The following MAMDC2 variants were observed in gnomAD, a reference collection of about 807,000 sequenced individuals.
MAMDC2 encodes MAM domain-containing protein 2.
In MAMDC2, 57 loss-of-function variants were observed where a neutral mutation model predicts 89.8. That is an observed-to-expected ratio of 0.63 (90% CI 0.51 to 0.79). The LOEUF is 0.79. Ranked by LOEUF, MAMDC2 falls within the 30% of genes least tolerant of loss-of-function variation. MAMDC2 has a pLI of 0.00. For missense variants in MAMDC2, 800 were observed against 820.6 expected (o/e 0.97, Z 0.31); for synonymous variants, 313 against 293.4 (o/e 1.07, Z -0.68).
chr9:70,102,818 T>A (rs1341498871), intron 2 of MAMDC2, among the ~76,000 whole-genome samples: 1 of 152,234 alleles, frequency 6.6e-6, no homozygotes, highest in Non-Finnish European at 1.5e-5. Flanking sequence ...ATATTTGAAG[T>A]GGATCCTTCC....
chr9:70,156,380 T>C (rs2031765650), intron 9 of MAMDC2, among the ~76,000 whole-genome samples: 1 of 152,178 alleles, frequency 6.6e-6, no homozygotes, highest in African/African-American at 2.4e-5. Flanking sequence ...GATTTATAAA[T>C]AGTTGGCTAT....
intron 4 of MAMDC2, among the ~76,000 whole-genome samples, chr9:70,112,183 C>T (rs1803001702): frequency 6.6e-6 from 1 of 152,158 alleles, no homozygotes; most frequent in South Asian, 2.1e-4. Flanking sequence ...AATTATACTT[C>T]CTAGTTTAAC....
At chr9:70,209,626 C>CT (rs1289371618) in intron 11 of MAMDC2, among the ~76,000 whole-genome samples, 1 of 151,984 alleles carries the variant, frequency 6.6e-6, no homozygotes, top group East Asian at 1.9e-4. Context: ...TTTCGTATCT[C>CT]TATCTCTTTC....
chr9:70,181,707 T>C (rs547862389), intron 11 of MAMDC2, among the ~76,000 whole-genome samples: 208 of 152,296 alleles, frequency 1.4e-3, no homozygotes, highest in African/African-American at 4.8e-3. Context: ...ATTGATTTTG[T>C]ATCCAGAGAC....
At chr9:70,200,563 A>G (rs2033080566) in intron 11 of MAMDC2, among the ~76,000 whole-genome samples, 1 of 151,078 alleles carries the variant, frequency 6.6e-6, no homozygotes, top group Non-Finnish European at 1.5e-5. Context: ...ACGAACTTTA[A>G]AGTAGTTTTT....
chr9:70,170,383 T>G, intron 10 of MAMDC2, 96 bp from the exon 11 acceptor site: 1 of 1,396,854 alleles, frequency 7.2e-7, no homozygotes, highest in Non-Finnish European at 9.6e-7. Flanking sequence ...GCATGGCATA[T>G]GGCCAGACAA....
At chr9:70,195,834 T>C (rs1462879840) in intron 11 of MAMDC2, among the ~76,000 whole-genome samples, 3 of 152,056 alleles carry the variant, frequency 2.0e-5, no homozygotes, top group Non-Finnish European at 2.9e-5. Flanking sequence ...AGTGAAAAGG[T>C]GAAAGTTCTC....
At chr9:70,051,888 G>GATAGAT in intron 2 of MAMDC2, among the ~76,000 whole-genome samples, 1 of 148,916 alleles carries the variant, frequency 6.7e-6, no homozygotes, top group East Asian at 2.0e-4. Context: ...TAGATAGATA[G>GATAGAT]AGATAGATAG....
chr9:70,147,020 C>G lies in MAMDC2; in HGVS notation c.1404+3201C>G, dbSNP rs2031427211. Among the ~76,000 whole-genome samples the G allele has an allele frequency of 1.3e-5, 2 of 149,586 alleles. 1 individual carries two copies. Among genetic ancestry groups the G allele is most frequent in the Non-Finnish European group, 3.0e-5 (2 of 67,378 alleles). On this transcript the variant is annotated intron_variant, in intron 9 of 13. Coordinates refer to ENST00000377182, the MANE Select transcript of MAMDC2 (RefSeq NM_153267.5). The stretch of plus-strand genomic sequence containing the variant: ...CCTGTAATCCTAGCACTTCGGAAGG[C>G]CAAGGCAGGCATATCACCTGTGGTC...
chr9:70,147,577 C>T (rs1365985987), intron 9 of MAMDC2, among the ~76,000 whole-genome samples: 1 of 150,156 alleles, frequency 6.7e-6, no homozygotes, highest in South Asian at 2.1e-4. Flanking sequence ...TAGACAGTGT[C>T]TCTTGACACC....
intron 9 of MAMDC2, among the ~76,000 whole-genome samples, chr9:70,165,918 T>C (rs946555080): frequency 6.6e-6 from 1 of 152,150 alleles, no homozygotes; most frequent in Non-Finnish European, 1.5e-5. Context: ...TAATTGTAAA[T>C]ATCCTGATTC....
chr9:70,204,086 C>T (rs1248324431), intron 11 of MAMDC2, among the ~76,000 whole-genome samples: 2 of 152,002 alleles, frequency 1.3e-5, no homozygotes, highest in Non-Finnish European at 2.9e-5. Flanking sequence ...CAGCTTTGTT[C>T]TGTTGCTGGT....
intron 11 of MAMDC2, among the ~76,000 whole-genome samples, chr9:70,205,011 G>A (rs565294771): frequency 6.6e-5 from 10 of 152,266 alleles, no homozygotes; most frequent in East Asian, 1.9e-4. Flanking sequence ...GAAATCACCC[G>A]TCTTCTGCCT....
At chr9:70,221,359 A>ATG (rs1358450710) in intron 12 of MAMDC2, among the ~76,000 whole-genome samples, 2 of 17,882 alleles carry the variant, frequency 1.1e-4, no homozygotes, top group East Asian at 4.5e-3. Flanking sequence ...AACAACAAAT[A>ATG]TATATATATA....
intron 2 of MAMDC2, chr9:70,088,654 A>C (rs1190715605): frequency 6.6e-6 from 1 of 151,150 alleles, no homozygotes; most frequent in Admixed American, 6.6e-5. Flanking sequence ...TTTTAAACAT[A>C]CTAGATTCAC....
intron 11 of MAMDC2, chr9:70,172,849 C>T (rs1563986366): frequency 6.5e-6 from 1 of 152,924 alleles, no homozygotes; most frequent in Non-Finnish European, 1.5e-5. Flanking sequence ...AAGGTGGTTC[C>T]TTATGTGTGA....
chr9:70,129,097 C>T (rs2030685262), intron 6 of MAMDC2, among the ~76,000 whole-genome samples: 1 of 152,062 alleles, frequency 6.6e-6, no homozygotes, highest in Non-Finnish European at 1.5e-5. Context: ...AAACTGAGAC[C>T]CTGGGAGGTT....
At chr9:70,123,801 G>C (rs2030396636) in intron 5 of MAMDC2, among the ~76,000 whole-genome samples, 1 of 152,162 alleles carries the variant, frequency 6.6e-6, no homozygotes, top group Admixed American at 6.5e-5. Flanking sequence ...TCAAGCCAAG[G>C]AATGCCAAAG....
chr9:70,065,650 A>G (rs1284043679), intron 2 of MAMDC2, among the ~76,000 whole-genome samples: 2 of 150,538 alleles, frequency 1.3e-5, no homozygotes, highest in African/African-American at 4.9e-5. Flanking sequence ...ATGTAAAATT[A>G]TGATGTTGCA....
Sources: gnomAD v4.1 joint callset for allele counts (sites outside exome capture counted in the v4.1 genomes callset) on GRCh38, gnomAD v4.1.1 for gene constraint, MANE v1.5 for transcripts, NCBI Gene and HGNC (gene_info 2026-07-23, HGNC 2026-07-21) for gene names.